LDHD: variants seen among roughly 807,000 people sequenced by gnomAD.
LDHD encodes D-lactate dehydrogenase, mitochondrial.
A neutral mutation model predicts 52.9 loss-of-function variants in LDHD; 58 were observed. The observed-to-expected ratio is 1.10, with a 90% confidence interval of 0.89 to 1.36. The LOEUF (loss-of-function observed/expected upper bound fraction) is 1.36. Among genes scored for constraint, LDHD ranks in the 40% most tolerant of loss-of-function variants. LDHD has a pLI of 0.00. For missense variants in LDHD, 747 were observed against 668.0 expected, an observed-to-expected ratio of 1.12 and a Z score of -1.30; for synonymous variants, 350 against 288.6, an observed-to-expected ratio of 1.21 and a Z score of -2.16.
In LDHD at chr16:75,112,203, C is replaced by T; in HGVS notation, c.*153G>A. 1 of 901,758 alleles carries T rather than the reference C, an allele frequency of 1.1e-6. No individual in the cohort carries two copies. The highest frequency in any genetic ancestry group is 1.7e-6 in the Non-Finnish European group (1 of 604,052). 55.9% of individuals were successfully genotyped at this position (901,758 alleles called of 1,614,324 possible). A position where few individuals can be genotyped will look rare whatever the true frequency, so the allele number is the denominator to read the frequency against. ...GGTAACACGGTGCTCAGGCTTCTCT[C>T]TGGGCCCTCTGGCCTTGGGCCCAGA... On this transcript the variant is annotated 3_prime_UTR_variant, in exon 11 of 11. Coordinates refer to ENST00000450168, the MANE Select transcript of LDHD (RefSeq NM_194436.3).
intron 9 of LDHD, 44 bp downstream of exon 9, chr16:75,112,790 C>T (rs778659735): frequency 6.2e-7 from 1 of 1,601,906 alleles, no homozygotes; most frequent in East Asian, 2.2e-5. Flanking sequence ...TCTGATCAGC[C>T]CTGACACCTC....
intron 8 of LDHD, 36 bp from the exon 9 acceptor site, chr16:75,112,960 G>C (rs1243373060): frequency 6.6e-7 from 1 of 1,523,230 alleles, no homozygotes; most frequent in African/African-American, 1.4e-5. Flanking sequence ...ACCCCTGCCT[G>C]ATTGGGTGTA....
intron 10 of LDHD, 40 bp from the exon 11 acceptor site, chr16:75,112,561 C>T (rs1277382490): frequency 1.2e-6 from 2 of 1,613,536 alleles, no homozygotes; most frequent in Admixed American, 1.7e-5. Flanking sequence ...GGCTCCCTTT[C>T]CTCTGCCCTC....
In LDHD at chr16:75,112,458, C is replaced by A. The variant is rs1217314915; in HGVS notation, c.1353G>T (p.Gln451His). 1 of 1,613,466 alleles carries A rather than the reference C, an allele frequency of 6.2e-7. No homozygotes were observed. Among genetic ancestry groups the A allele is most frequent in the East Asian group, 2.2e-5 (1 of 44,880 alleles). ...GEHGIGMGKR[Q>H]LLQEEVGAVG... ...CGGCGCCCACCTCCTCCTGCAGCAG[C>A]TGCCGCTTGCCCATTCCGATGCCAT... The change falls in exon 11 of 11, where the codon CAG becomes CAT. Residue 451 changes from glutamine (Q) to histidine (H), a missense_variant. Coordinates refer to ENST00000450168, the MANE Select transcript of LDHD (RefSeq NM_194436.3).
In LDHD at chr16:75,112,138, C is replaced by A; in HGVS notation, c.*218G>T. 1 of 568,104 alleles carries A rather than the reference C, an allele frequency of 1.8e-6. No homozygotes were observed. 35.2% of individuals were successfully genotyped at this position (568,104 alleles called of 1,614,324 possible). On this transcript the variant is annotated 3_prime_UTR_variant, in exon 11 of 11. Transcript: ENST00000450168. ...GCTGGGAACCACCCTGGGTCGTTTA[C>A]TGAACCAAAGGCTCCTGGGGCCAGC...
In LDHD at chr16:75,114,816, G is replaced by A. The variant is rs1428598192; in HGVS notation, c.469+11C>T. On this transcript the variant is annotated intron_variant, in intron 4 of 10. Transcript: ENST00000450168. The stretch of plus-strand genomic sequence containing the variant: ...GCCCTCAGGGTCCCAGGAAAGGTTC[G>A]CGAGTCCTACCCACGGGAAACCAGA... The A allele has an allele frequency of 2.5e-6, 4 of 1,609,862 alleles. No individual in the cohort carries two copies. The highest frequency in any genetic ancestry group is 3.4e-6 in the Non-Finnish European group (4 of 1,177,970).
Position 75,112,252 on chromosome 16 carries a change from G to A in LDHD, c.*104C>T. On this transcript the variant is annotated 3_prime_UTR_variant, in exon 11 of 11. Coordinates refer to ENST00000450168, the MANE Select transcript of LDHD (RefSeq NM_194436.3). ...GATACAGTGGGCTCGCTGGCAGGAAGACTGCCTCAGCATCTATTTCCTTGC... is the reference window on the plus strand; with the variant it reads ...GATACAGTGGGCTCGCTGGCAGGAAAACTGCCTCAGCATCTATTTCCTTGC... 7.4e-7 allele frequency: 1 copy of A among 1,360,162 alleles called. No homozygotes were observed. Among genetic ancestry groups the A allele is most frequent in the Non-Finnish European group, 1.0e-6 (1 of 991,768 alleles). 84.3% of individuals were successfully genotyped at this position (1,360,162 alleles called of 1,614,324 possible). A position where few individuals can be genotyped will look rare whatever the true frequency, so the allele number is the denominator to read the frequency against.
Position 75,114,087 on chromosome 16 carries a change from G to A in LDHD, c.708C>T (p.Thr236=). 1.9e-6 allele frequency: 3 copies of A among 1,611,862 alleles called. No homozygotes were observed. The highest frequency in any genetic ancestry group is 2.2e-5 in the South Asian group (2 of 91,074). ...EGTLGLITAT[T]LRLHPAPEAT... ...CCTCAGGGGCAGGGTGCAGGCGCAG[G>A]GTGGTGGCTGTGATGAGGCCCAGCG... Residue 236 remains threonine (T), a synonymous_variant, in exon 6 of 11, where the codon ACC becomes ACT. Transcript: ENST00000450168.
chr16:75,114,550 G>C lies in LDHD; in HGVS notation c.605C>G (p.Thr202Arg). The change falls in exon 5 of 11, where the codon ACG becomes AGG. Residue 202 changes from threonine (T) to arginine (R), a missense_variant. Thr to Arg is a moderately conservative substitution (Grantham distance 71). Coordinates refer to ENST00000450168, the MANE Select transcript of LDHD (RefSeq NM_194436.3). ...CCGGAAATGCCGGCCTCGGCCCGCCGTGTGCAGCAGCCGCCCGTCGGGCAG... is the reference window on the plus strand; with the variant it reads ...CCGGAAATGCCGGCCTCGGCCCGCCCTGTGCAGCAGCCGCCCGTCGGGCAG... ...VVLPDGRLLH[T>R]AGRGRHFRKS... is the part of the protein sequence containing the mutation. The C allele has an allele frequency of 1.3e-6, 2 of 1,529,818 alleles. No homozygotes were observed. The highest frequency in any genetic ancestry group is 1.2e-5 in the South Asian group (1 of 83,746). The allele number at this position is 1,529,818 out of a possible 1,614,324, so 94.8% of individuals were successfully genotyped here.
At position 75,116,714 on chromosome 16, in the gene LDHD, G is replaced by C. The variant is rs532693542; in HGVS notation, c.7C>G (p.Arg3Gly). Residue 3 changes from arginine (R) to glycine (G), a missense_variant, in exon 1 of 11, where the codon CGA (arginine) becomes GGA (glycine). Arg to Gly is a moderately radical substitution (Grantham distance 125). Transcript: ENST00000450168. MA[R>G]LLRSATWELF... ...TCCCAGGTTGCAGACCTGAGCAGTC[G>C]GGCCATAGCCAGGCACTGGCCAGAG... 1 of 1,590,474 alleles carries C rather than the reference G, an allele frequency of 6.3e-7. No homozygotes were observed. The highest frequency in any genetic ancestry group is 8.5e-7 in the Non-Finnish European group (1 of 1,171,356).
rs766765334 is a variant in LDHD, at chr16:75,116,753, G to A, written c.-33C>T. 6.9e-7 allele frequency: 1 copy of A among 1,450,076 alleles called. No homozygotes were observed. Among genetic ancestry groups the A allele is most frequent in the Non-Finnish European group, 9.3e-7 (1 of 1,071,868 alleles). The allele number at this position is 1,450,076 out of a possible 1,614,324, so 89.8% of individuals were successfully genotyped here. ...CACTGGCCAGAGGGTGTGAGCACTG[G>A]GTGGCAGGGTGACCAGTCAGCTACT... On this transcript the variant is annotated 5_prime_UTR_variant, in exon 1 of 11. Transcript: ENST00000450168.
rs2036523613 is a variant in LDHD at position 75,115,293 on chromosome 16, C to A, written c.232G>T (p.Val78Phe). Residue 78 changes from valine to phenylalanine, a missense_variant, in exon 3 of 11, where the codon GTC (valine) becomes TTC (phenylalanine). By Grantham distance (50) the Val-to-Phe change is conservative (BLOSUM62 -1). Coordinates refer to ENST00000450168, the MANE Select transcript of LDHD (RefSeq NM_194436.3). ...AVVWPQNVEQ[V>F]SRLAALCYRQ... The stretch of plus-strand genomic sequence containing the variant: ...TAGCACAGGGCTGCCAGCCGGCTGA[C>A]CTGCTCCACGTTCTGGGGCCACACC... 6.2e-7 allele frequency: 1 copy of A among 1,613,628 alleles called. No homozygotes were observed. The highest frequency in any genetic ancestry group is 2.2e-5 in the East Asian group (1 of 44,876).
In LDHD at chr16:75,113,545, G is replaced by A; in HGVS notation, c.1076C>T (p.Pro359Leu). The A allele has an allele frequency of 6.2e-7, 1 of 1,607,780 alleles. No homozygotes were observed. Among genetic ancestry groups the A allele is most frequent in the South Asian group, 1.1e-5 (1 of 90,734 alleles). ...CCAGCCCCAGCTCACCTTGCAGCCT[G>A]GCCGCGTGGCCAGGGCTGCGTACCA... ...NAWYAALATR[P>L]GCKGYSTDVC... The change falls in exon 8 of 11, where the codon CCA (proline) becomes CTA (leucine). Residue 359 changes from proline to leucine, a missense_variant. Coordinates refer to ENST00000450168, the MANE Select transcript of LDHD (RefSeq NM_194436.3).
rs755210673 is a variant in LDHD, at chr16:75,115,564, C to T, written c.169G>A (p.Asp57Asn). ...AAVVREQHGR[D>N]ESVHRCEPPD... ...CTCCCATACCTGTGCACCGACTCATCGCGCCCGTGCTGCTCTCGGACCACC... is the reference window on the plus strand; with the variant it reads ...CTCCCATACCTGTGCACCGACTCATTGCGCCCGTGCTGCTCTCGGACCACC... The change falls in exon 2 of 11, where the codon GAT becomes AAT. Residue 57 changes from aspartate (D) to asparagine (N), a missense_variant. Coordinates refer to ENST00000450168, the MANE Select transcript of LDHD (RefSeq NM_194436.3). 1.9e-6 allele frequency: 3 copies of T among 1,612,934 alleles called. No individual in the cohort carries two copies. The South Asian group carries it at 3.3e-5, about 18-fold the overall frequency.
chr16:75,115,791 C>A (rs745617856), intron 1 of LDHD, 131 bp from the exon 2 acceptor site: 10 of 583,278 alleles, frequency 1.7e-5, no homozygotes, highest in Non-Finnish European at 2.7e-5. Context: ...CCGCTGACAA[C>A]ATCCTTGCCA....
chr16:75,112,114 C>T lies in LDHD; in HGVS notation c.*242G>A. The T allele has an allele frequency of 2.0e-6, 1 of 491,608 alleles. No homozygotes were observed. The highest frequency in any genetic ancestry group is 3.6e-6 in the Non-Finnish European group (1 of 279,010). The allele number at this position is 491,608 out of a possible 1,614,324, so 30.5% of individuals were successfully genotyped here. A position where few individuals can be genotyped will look rare whatever the true frequency, so the allele number is the denominator to read the frequency against. ...TAGGAGCAGAGAGGAAGCAGCTTTG[C>T]TGGGAACCACCCTGGGTCGTTTACT... is the stretch of plus-strand genomic sequence containing the variant. On this transcript the variant is annotated 3_prime_UTR_variant, in exon 11 of 11. Transcript: ENST00000450168.
intron 8 of LDHD, 29 bp from the exon 9 acceptor site, chr16:75,112,953 C>CAATCAGGCAGGGGTAA: frequency 6.4e-7 from 1 of 1,563,346 alleles, no homozygotes; most frequent in Non-Finnish European, 8.7e-7. Context: ...ATGAGTTACC[C>CAATCAGGCAGGGGTAA]CTGCCTGATT....
In LDHD at chr16:75,112,445, C is replaced by A. The variant is rs779364388; in HGVS notation, c.1366G>T (p.Glu456Ter). The change falls in exon 11 of 11, where the codon GAG becomes TAG. Residue 456 changes from glutamate to a stop codon, truncating the protein, a stop_gained. Coordinates refer to ENST00000450168, the MANE Select transcript of LDHD (RefSeq NM_194436.3). LOFTEE classifies it high-confidence loss of function. ...GMGKRQLLQE[E>*]VGAVGVETMR... Reference sequence around the variant, plus strand: ...GTCTCCACGCCCACGGCGCCCACCTCCTCCTGCAGCAGCTGCCGCTTGCCC... The same window carrying A: ...GTCTCCACGCCCACGGCGCCCACCTACTCCTGCAGCAGCTGCCGCTTGCCC... 1 of 1,613,476 alleles carries A rather than the reference C, an allele frequency of 6.2e-7. No homozygotes were observed. The highest frequency in any genetic ancestry group is 8.5e-7 in the Non-Finnish European group (1 of 1,180,020).
intron 10 of LDHD, 38 bp downstream of exon 10, chr16:75,112,564 C>T (rs775078430): frequency 1.2e-5 from 20 of 1,613,590 alleles, no homozygotes; most frequent in Non-Finnish European, 1.5e-5. Flanking sequence ...TCCCTTTCCT[C>T]TGCCCTCAGC....
Sources: allele counts gnomAD v4.1 joint callset, GRCh38; gene constraint gnomAD v4.1.1; transcripts MANE v1.5; gene names NCBI Gene and HGNC (gene_info 2026-07-23, HGNC 2026-07-21).